The following APBA1 variants were observed in gnomAD, a reference collection of about 807,000 sequenced individuals.
The protein encoded by APBA1 is amyloid-beta A4 precursor protein-binding family A member 1.
APBA1 carries 55 observed loss-of-function variants against 86.6 expected under a neutral mutation model. The ratio of observed to expected loss-of-function variants is 0.64; its 90% confidence interval spans 0.51 to 0.80. APBA1 has a LOEUF of 0.80. Ranked by LOEUF, APBA1 falls within the 30% of genes least tolerant of loss-of-function variation. The probability of loss-of-function intolerance (pLI) is 0.00; values close to 1 mark genes in which losing one functional copy is unlikely to be tolerated. For missense variants in APBA1, 1,090 were observed against 1,183.0 expected, an observed-to-expected ratio of 0.92 and a Z score of 1.15; for synonymous variants, 511 against 493.9, an observed-to-expected ratio of 1.03 and a Z score of -0.46.
chr9:69,607,118 C>T (rs756770876), intron 1 of APBA1, among the ~76,000 whole-genome samples: 1 of 152,116 alleles, frequency 6.6e-6, no homozygotes, highest in Non-Finnish European at 1.5e-5. Context: ...AGAAGAGAAG[C>T]AGCAGTGTAT....
intron 1 of APBA1, among the ~76,000 whole-genome samples, chr9:69,623,695 G>A (rs1822871989): frequency 6.6e-6 from 1 of 152,204 alleles, no homozygotes; most frequent in Admixed American, 6.5e-5. Context: ...TCTGGTTTGG[G>A]AGGCTTGGGG....
intron 1 of APBA1, among the ~76,000 whole-genome samples, chr9:69,603,161 TGCCAC>T (rs1301790956): frequency 6.6e-6 from 1 of 152,206 alleles, no homozygotes; most frequent in Non-Finnish European, 1.5e-5. Flanking sequence ...ACATGCCTTA[TGCCAC>T]AAACCACCAT....
chr9:69,515,708 G>T (rs1234692313), intron 2 of APBA1, among the ~76,000 whole-genome samples: 1 of 131,862 alleles, frequency 7.6e-6, no homozygotes, highest in East Asian at 2.6e-4. Context: ...GGGGGGGCGG[G>T]GGGTGGAGGG....
At chr9:69,440,940 G>C (rs180704307) in intron 11 of APBA1, 56 bp downstream of exon 11, 1 of 1,586,658 alleles carries the variant, frequency 6.3e-7, no homozygotes, top group Non-Finnish European at 8.6e-7. Flanking sequence ...CCCCAGCCAT[G>C]CTACATTTTT....
rs1037012162 is a variant in APBA1 at position 69,427,878 on chromosome 9, T to A, written c.*3449A>T. ...CCGACACTTTACAATAAGCTCTATT[T>A]CACCCTCTTTACAGAACAATAGTAC... On this transcript the variant is annotated 3_prime_UTR_variant, in exon 13 of 13. Coordinates refer to ENST00000265381, the MANE Select transcript of APBA1 (RefSeq NM_001163.4). The A allele has an allele frequency of 4.1e-4, 62 of 152,250 alleles. No individual in the cohort carries two copies. The highest frequency in any genetic ancestry group is 1.5e-3 in the African/African-American group (61 of 41,466). 9.4% of individuals were successfully genotyped at this position (152,250 alleles called of 1,614,324 possible).
intron 8 of APBA1, among the ~76,000 whole-genome samples, chr9:69,455,399 G>T (rs1835079169): frequency 6.6e-6 from 1 of 152,124 alleles, no homozygotes; most frequent in Non-Finnish European, 1.5e-5. Context: ...GTGCGGGGAG[G>T]TAGGGGAGCA....
intron 1 of APBA1, among the ~76,000 whole-genome samples, chr9:69,629,014 T>C (rs1822986353): frequency 6.6e-6 from 1 of 152,216 alleles, no homozygotes; most frequent in South Asian, 2.1e-4. Context: ...GATTTCTTCA[T>C]ATCTTTTTAT....
At chr9:69,566,044 G>C (rs1463461941) in intron 1 of APBA1, among the ~76,000 whole-genome samples, 1 of 152,104 alleles carries the variant, frequency 6.6e-6, no homozygotes, top group Non-Finnish European at 1.5e-5. Flanking sequence ...AGAACTCCCT[G>C]CCCTGCTCCT....
chr9:69,616,312 A>T (rs1479090375), intron 1 of APBA1, among the ~76,000 whole-genome samples: 1 of 152,204 alleles, frequency 6.6e-6, no homozygotes, highest in Non-Finnish European at 1.5e-5. Flanking sequence ...AACTGGATAA[A>T]TTCTTCTGGG....
intron 1 of APBA1, among the ~76,000 whole-genome samples, chr9:69,657,636 C>T (rs1256738864): frequency 6.6e-6 from 1 of 152,160 alleles, no homozygotes; most frequent in Admixed American, 6.5e-5. Flanking sequence ...CTTAGATTGG[C>T]TAATTACCAA....
chr9:69,460,658 T>C (rs531859680), intron 5 of APBA1: 2 of 148,518 alleles, frequency 1.3e-5, no homozygotes, highest in Non-Finnish European at 3.0e-5. Context: ...CCCAAATTCT[T>C]TTTTTTTTTT....
chr9:69,455,209 A>T (rs1835075356), intron 8 of APBA1, among the ~76,000 whole-genome samples: 1 of 152,150 alleles, frequency 6.6e-6, no homozygotes, highest in Non-Finnish European at 1.5e-5. Flanking sequence ...CTCTTCCCAG[A>T]TCAGGACTCC....
chr9:69,512,999 G>A (rs1836076899), intron 2 of APBA1, among the ~76,000 whole-genome samples: 1 of 152,102 alleles, frequency 6.6e-6, no homozygotes, highest in Non-Finnish European at 1.5e-5. Context: ...CCATTAAAGA[G>A]GCAGCAAAGG....
At chr9:69,670,518 G>C (rs1823926138) in intron 1 of APBA1, among the ~76,000 whole-genome samples, 2 of 152,150 alleles carry the variant, frequency 1.3e-5, no homozygotes, top group Non-Finnish European at 2.9e-5. Context: ...TAATAAAGAA[G>C]TGTCGAGATA....
chr9:69,583,395 T>C (rs1821954578), intron 1 of APBA1, among the ~76,000 whole-genome samples: 1 of 152,166 alleles, frequency 6.6e-6, no homozygotes, highest in Non-Finnish European at 1.5e-5. Flanking sequence ...TTGAGGTTAA[T>C]AGGGGTTCAA....
chr9:69,470,766 A>G (rs1442423994), intron 4 of APBA1, among the ~76,000 whole-genome samples: 3 of 152,144 alleles, frequency 2.0e-5, no homozygotes, highest in Non-Finnish European at 4.4e-5. Flanking sequence ...ATGGCGATGC[A>G]CCCAGGTGGA....
At chr9:69,562,381 T>C (rs1275679080) in intron 1 of APBA1, among the ~76,000 whole-genome samples, 1 of 121,138 alleles carries the variant, frequency 8.3e-6, no homozygotes, top group Non-Finnish European at 1.7e-5. Context: ...TTTTCTTTTC[T>C]TTTTTTTTTT....
At chr9:69,462,183 C>T (rs1278120842) in intron 5 of APBA1, 1 of 152,150 alleles carries the variant, frequency 6.6e-6, no homozygotes, top group Non-Finnish European at 1.5e-5. Flanking sequence ...GAGACACAAA[C>T]ACCACACTCT....
chr9:69,558,604 AT>A (rs1836901549), intron 1 of APBA1, among the ~76,000 whole-genome samples: 2 of 151,100 alleles, frequency 1.3e-5, no homozygotes, highest in Non-Finnish European at 2.9e-5. Context: ...TATAACTTTT[AT>A]TTTAGGTTCA....
Sources: gnomAD v4.1 joint callset for allele counts (sites outside exome capture counted in the v4.1 genomes callset) on GRCh38, gnomAD v4.1.1 for gene constraint, MANE v1.5 for transcripts, NCBI Gene and HGNC (gene_info 2026-07-23, HGNC 2026-07-21) for gene names.